TENM1: variants seen among roughly 807,000 people sequenced by gnomAD.
TENM1 encodes the protein teneurin-1.
Under a neutral mutation model 174.8 loss-of-function variants are expected in TENM1, and 35 were observed. The observed-to-expected ratio is 0.20, with a 90% CI of 0.15 to 0.27. The LOEUF (loss-of-function observed/expected upper bound fraction) is 0.27, where lower values mean the gene tolerates loss of function less well. TENM1 is among the 10% of genes least tolerant of loss of function. The probability of loss-of-function intolerance (pLI) is 1.00; values close to 1 mark genes in which losing one functional copy is unlikely to be tolerated. For synonymous variants in TENM1, 781 were observed against 798.7 expected (o/e 0.98, Z 0.37); for missense variants, 1,633 against 2,130.1 (o/e 0.77, Z 4.59).
the TENM1 span, among the ~76,000 whole-genome samples, chrX:125,084,552 AT>A: frequency 9.0e-6 from 1 of 110,638 alleles, no homozygotes; most frequent in Non-Finnish European, 1.9e-5. Flanking sequence ...AATAGCTACC[AT>A]TTTCAGTGCC....
the TENM1 span, among the ~76,000 whole-genome samples, chrX:125,092,944 C>T: frequency 8.9e-6 from 1 of 111,990 alleles, no homozygotes; most frequent in East Asian, 2.8e-4. Flanking sequence ...TGCAGAACAA[C>T]TTATGCCTGA....
At chrX:125,169,042 G>A in the TENM1 span, among the ~76,000 whole-genome samples, 1 of 110,575 alleles carries the variant, frequency 9.0e-6, no homozygotes, top group African/African-American at 3.3e-5. Context: ...TAGAGGGTAA[G>A]CATTTTGAGG....
chrX:124,956,034 C>T (rs1173584228), intron 1 of TENM1, among the ~76,000 whole-genome samples: 2 of 111,609 alleles, frequency 1.8e-5, no homozygotes, highest in Non-Finnish European at 3.8e-5. Context: ...AACCTTATAG[C>T]ATTGCTGGGA....
chrX:124,858,825 CT>C (rs368409415), intron 3 of TENM1, among the ~76,000 whole-genome samples: 64 of 104,337 alleles, frequency 6.1e-4, no homozygotes, highest in Middle Eastern at 4.8e-3. Context: ...TCAAATGATT[CT>C]TTTTTTTTTT....
intron 27 of TENM1, among the ~76,000 whole-genome samples, chrX:124,397,882 C>T (rs1009846441): frequency 1.1e-4 from 12 of 108,168 alleles, no homozygotes; most frequent in Admixed American, 3.9e-4. Context: ...TGTGAGCCAC[C>T]GTGCCCGGCC....
chrX:124,756,260 C>G (rs1227407936), intron 3 of TENM1, among the ~76,000 whole-genome samples: 1 of 103,470 alleles, frequency 9.7e-6, no homozygotes, highest in African/African-American at 3.9e-5. Context: ...TCACTGATAC[C>G]CTTTATTCCA....
chrX:124,484,179 G>A (rs1325842905), intron 21 of TENM1, among the ~76,000 whole-genome samples: 1 of 111,411 alleles, frequency 9.0e-6, no homozygotes, highest in Non-Finnish European at 1.9e-5. Flanking sequence ...AGACAGGGGT[G>A]ATAGGCTTTT....
chrX:124,691,332 G>C (rs1383037331), intron 5 of TENM1, among the ~76,000 whole-genome samples: 3 of 111,713 alleles, frequency 2.7e-5, no homozygotes, highest in Non-Finnish European at 5.6e-5. Flanking sequence ...GGAAAAAAAG[G>C]CAAGAGATAT....
the TENM1 span, among the ~76,000 whole-genome samples, chrX:125,073,280 C>T: frequency 6.3e-5 from 7 of 110,533 alleles, no homozygotes; most frequent in Admixed American, 9.7e-5. Flanking sequence ...TTTGGGGACG[C>T]GGGATACATT....
At chrX:124,697,345 A>G (rs1248248140) in intron 5 of TENM1, among the ~76,000 whole-genome samples, 2 of 111,471 alleles carry the variant, frequency 1.8e-5, no homozygotes, top group Non-Finnish European at 3.8e-5. Context: ...AGGAGCCCCA[A>G]GGAAGGTGTT....
intron 4 of TENM1, among the ~76,000 whole-genome samples, chrX:124,725,855 T>C (rs972855514): frequency 2.7e-5 from 3 of 112,438 alleles, no homozygotes; most frequent in African/African-American, 9.7e-5. Context: ...CTTAGTAAAA[T>C]AGACAAGTAT....
intron 1 of TENM1, among the ~76,000 whole-genome samples, chrX:124,919,539 T>C (rs1028579604): frequency 9.1e-6 from 1 of 110,249 alleles, no homozygotes; most frequent in African/African-American, 3.3e-5. Context: ...GGCAAAACTA[T>C]AAGGAAAAGC....
At chrX:124,585,779 T>G (rs1474287922) in intron 11 of TENM1, among the ~76,000 whole-genome samples, 1 of 111,338 alleles carries the variant, frequency 9.0e-6, no homozygotes, top group Non-Finnish European at 1.9e-5. Flanking sequence ...ACAAAACTGA[T>G]AGACCGCTAG....
At chrX:125,108,065 A>G in the TENM1 span, among the ~76,000 whole-genome samples, 2 of 111,956 alleles carry the variant, frequency 1.8e-5, no homozygotes, top group African/African-American at 6.5e-5. Flanking sequence ...TTCCCCTCCT[A>G]AATTTTCCAT....
At chrX:124,922,702 T>C (rs1012492034) in intron 1 of TENM1, among the ~76,000 whole-genome samples, 2 of 111,633 alleles carry the variant, frequency 1.8e-5, no homozygotes, top group African/African-American at 6.5e-5. Context: ...TCTCATGTTT[T>C]TAGCCACATT....
rs773545686 is a variant in TENM1, at chrX:124,932,817, A to G, written c.217+30720T>C. ...TGGAAATGTAAGTCCCTAGGGATTCAAGTGAAATAAATTACCACCAATTTA... is the reference window on the plus strand; with the variant it reads ...TGGAAATGTAAGTCCCTAGGGATTCGAGTGAAATAAATTACCACCAATTTA... On this transcript the variant is annotated intron_variant, in intron 1 of 31. Coordinates refer to ENST00000422452, the Ensembl canonical transcript of TENM1. 8.9e-5 allele frequency among the ~76,000 whole-genome samples: 10 copies of G among 112,162 alleles called. No homozygotes were observed. In the East Asian group the frequency reaches 2.5e-3, roughly 28 times the overall value.
chrX:125,198,272 T>G, the TENM1 span, among the ~76,000 whole-genome samples: 1 of 112,116 alleles, frequency 8.9e-6, no homozygotes, highest in South Asian at 3.6e-4. Flanking sequence ...ATAAGACTTT[T>G]TTTATTTGAA....
intron 24 of TENM1, among the ~76,000 whole-genome samples, chrX:124,421,258 T>C (rs1209895305): frequency 2.7e-5 from 3 of 112,320 alleles, no homozygotes; most frequent in African/African-American, 9.7e-5. Flanking sequence ...ACTGTCAAAG[T>C]ACACTAAGTC....
the TENM1 span, among the ~76,000 whole-genome samples, chrX:125,112,134 T>TTGTGTG: frequency 0.032 from 2,960 of 92,670 alleles, 183 homozygotes; most frequent in Admixed American, 0.19. Flanking sequence ...TTTAATGAAA[T>TTGTGTG]TGTGTGTGTG....
Sources: gnomAD v4.1 joint callset for allele counts (sites outside exome capture counted in the v4.1 genomes callset) on GRCh38, gnomAD v4.1.1 for gene constraint, MANE v1.5 for transcripts, NCBI Gene and HGNC (gene_info 2026-07-23, HGNC 2026-07-21) for gene names.